The following SMCO3 variants were observed in gnomAD, a reference collection of about 807,000 sequenced individuals.
The protein encoded by SMCO3 is single-pass membrane and coiled-coil domain-containing protein 3.
SMCO3 carries 6 observed loss-of-function variants against 12.0 expected under a neutral mutation model. The observed-to-expected ratio is 0.50, with a 90% confidence interval of 0.27 to 0.99. The LOEUF is 0.99. Among genes scored for constraint, SMCO3 ranks in the 50% least tolerant of loss-of-function variants. The pLI is 0.11. For synonymous variants in SMCO3, 96 were observed against 96.4 expected (o/e 1.00, Z 0.02); for missense variants, 279 against 265.0 (o/e 1.05, Z -0.37).
rs762791212 is a variant in SMCO3 at position 14,806,095 on chromosome 12, C to T, written c.586G>A (p.Glu196Lys). 5 of 1,614,036 alleles carry T rather than the reference C, an allele frequency of 3.1e-6. No individual in the cohort carries two copies. Among genetic ancestry groups the T allele is most frequent in the Non-Finnish European group, 4.2e-6 (5 of 1,180,048 alleles). ...TQLQAAIKSY[E>K]KHLVEFKSAS... ...GATTTGAACTCCACCAGATGCTTCT[C>T]ATAACTTTTGATGGCTGCTTGAAGC... The change falls in exon 2 of 2, where the codon GAG becomes AAG. Residue 196 changes from glutamate (E) to lysine (K), a missense_variant. Transcript: ENST00000316048.
intron 1 of SMCO3, among the ~76,000 whole-genome samples, chr12:14,809,660 A>T (rs2137261035): frequency 6.6e-6 from 1 of 152,302 alleles, no homozygotes; most frequent in South Asian, 2.1e-4. Flanking sequence ...GCTAGAAGAA[A>T]ATGGATAATT....
intron 1 of SMCO3, among the ~76,000 whole-genome samples, chr12:14,808,454 CT>C (rs1452690407): frequency 6.6e-6 from 1 of 152,074 alleles, no homozygotes; most frequent in African/African-American, 2.4e-5. Flanking sequence ...CTGGCACAGC[CT>C]CTTTTTGAGT....
At chr12:14,811,997 A>T (rs767838106) in intron 1 of SMCO3, among the ~76,000 whole-genome samples, 16 of 152,232 alleles carry the variant, frequency 1.1e-4, no homozygotes, top group Non-Finnish European at 2.2e-4. Context: ...TAAATAGAGG[A>T]GGAAAAACAC....
intron 1 of SMCO3, among the ~76,000 whole-genome samples, chr12:14,811,059 A>G (rs936251661): frequency 6.6e-5 from 10 of 152,220 alleles, no homozygotes; most frequent in Non-Finnish European, 8.8e-5. Flanking sequence ...ACCAACAGCA[A>G]GTGGTATATT....
chr12:14,814,159 G>A lies in SMCO3; in HGVS notation c.-50C>T, dbSNP rs1309738083. ...GTTTCTGAGTTCCGTGGTCCTAGCA[G>A]TTGTTTAGGAGTATTGTTAAAGTGC... On this transcript the variant is annotated 5_prime_UTR_variant, in exon 1 of 2. Coordinates refer to ENST00000316048, the MANE Select transcript of SMCO3 (RefSeq NM_001013698.2). The A allele has an allele frequency of 6.6e-6, 1 of 152,168 alleles. No homozygotes were observed. Among genetic ancestry groups the A allele is most frequent in the Non-Finnish European group, 1.5e-5 (1 of 68,034 alleles). 9.4% of individuals were successfully genotyped at this position (152,168 alleles called of 1,614,324 possible). A position where few individuals can be genotyped will look rare whatever the true frequency, so the allele number is the denominator to read the frequency against.
At position 14,806,400 on chromosome 12, in the gene SMCO3, G is replaced by T; in HGVS notation, c.281C>A (p.Thr94Asn). ...AATATCCTGAAGTTTTCTATAGAGG[G>T]TTGGCTCTAGCTTATCTTTTAGTGC... Reference protein sequence around the residue: ...DEALKDKLEPTLYRKLQDIKE... With the variant: ...DEALKDKLEPNLYRKLQDIKE... Residue 94 changes from threonine (T) to asparagine (N), a missense_variant, in exon 2 of 2, where the codon ACC becomes AAC. Physicochemically the swap from Thr to Asn is moderately conservative, Grantham distance 65. Coordinates refer to ENST00000316048, the MANE Select transcript of SMCO3 (RefSeq NM_001013698.2). The T allele has an allele frequency of 1.2e-6, 2 of 1,614,138 alleles. No individual in the cohort carries two copies. The highest frequency in any genetic ancestry group is 1.3e-5 in the African/African-American group (1 of 75,002).
chr12:14,811,803 C>T (rs1950143860), intron 1 of SMCO3, among the ~76,000 whole-genome samples: 1 of 152,154 alleles, frequency 6.6e-6, no homozygotes, highest in South Asian at 2.1e-4. Flanking sequence ...AACAGTAGTG[C>T]GTTGACTGTC....
In SMCO3 at chr12:14,805,807, A is replaced by G; in HGVS notation, c.*196T>C. 3.1e-6 allele frequency: 2 copies of G among 635,278 alleles called. No individual in the cohort carries two copies. The highest frequency in any genetic ancestry group is 4.3e-4 in the Middle Eastern group (1 of 2,346). 39.4% of individuals were successfully genotyped at this position (635,278 alleles called of 1,614,324 possible). On this transcript the variant is annotated 3_prime_UTR_variant, in exon 2 of 2. Transcript: ENST00000316048. Reference sequence around the variant, plus strand: ...ATTTTTTTACCTCACAGGGTCTAGCATCAGCTGATCCAGGCATTGTTGACT... The same window carrying G: ...ATTTTTTTACCTCACAGGGTCTAGCGTCAGCTGATCCAGGCATTGTTGACT...
chr12:14,805,915 C>G lies in SMCO3; in HGVS notation c.*88G>C, dbSNP rs1950040196. On this transcript the variant is annotated 3_prime_UTR_variant, in exon 2 of 2. Coordinates refer to ENST00000316048, the MANE Select transcript of SMCO3 (RefSeq NM_001013698.2). ...ATCTTATTTAAGTCCATATTGGAAG[C>G]CTATAGAAAATGAACCTAATCAAAG... The G allele has an allele frequency of 2.3e-6, 3 of 1,285,120 alleles. No individual in the cohort carries two copies. The highest frequency in any genetic ancestry group is 1.5e-5 in the African/African-American group (1 of 66,966). 79.6% of individuals were successfully genotyped at this position (1,285,120 alleles called of 1,614,324 possible).
chr12:14,809,204 C>T (rs1950099718), intron 1 of SMCO3, among the ~76,000 whole-genome samples: 1 of 152,168 alleles, frequency 6.6e-6, no homozygotes, highest in South Asian at 2.1e-4. Context: ...GTGGTTCTGT[C>T]TACCTCAAGA....
At chr12:14,814,014 C>T (rs1950180650) in intron 1 of SMCO3, 112 bp downstream of exon 1, 1 of 152,070 alleles carries the variant, frequency 6.6e-6, no homozygotes, top group Non-Finnish European at 1.5e-5. Context: ...TGTTTTTTTA[C>T]TTTATTTTAT....
chr12:14,806,741 G>C lies in SMCO3; in HGVS notation c.-16-45C>G, dbSNP rs1185906981. On this transcript the variant is annotated intron_variant, in intron 1 of 1. Coordinates refer to ENST00000316048, the MANE Select transcript of SMCO3 (RefSeq NM_001013698.2). Reference sequence around the variant, plus strand: ...ATTTTTACTGAAAGTCTTAAAAAATGTCTGCTAACTGTGTAGAAGGGACTA... The same window carrying C: ...ATTTTTACTGAAAGTCTTAAAAAATCTCTGCTAACTGTGTAGAAGGGACTA... 7 of 1,495,570 alleles carry C rather than the reference G, an allele frequency of 4.7e-6. No individual in the cohort carries two copies. In the Admixed American group the frequency reaches 1.3e-4, roughly 28 times the overall value. The allele number at this position is 1,495,570 out of a possible 1,614,324, so 92.6% of individuals were successfully genotyped here. A position where few individuals can be genotyped will look rare whatever the true frequency, so the allele number is the denominator to read the frequency against.
At chr12:14,813,509 A>G (rs552541914) in intron 1 of SMCO3, among the ~76,000 whole-genome samples, 15 of 152,260 alleles carry the variant, frequency 9.9e-5, no homozygotes, top group Non-Finnish European at 2.1e-4. Context: ...TTCTGACCAG[A>G]AAGAAGAATA....
intron 1 of SMCO3, among the ~76,000 whole-genome samples, chr12:14,810,841 C>G (rs745466940): frequency 6.6e-6 from 1 of 152,110 alleles, no homozygotes; most frequent in Non-Finnish European, 1.5e-5. Context: ...GTTCTGACTC[C>G]CAAAGTGATT....
chr12:14,812,283 A>G (rs980805360), intron 1 of SMCO3, among the ~76,000 whole-genome samples: 1 of 151,880 alleles, frequency 6.6e-6, no homozygotes, highest in Non-Finnish European at 1.5e-5. Flanking sequence ...TCTCTACTAA[A>G]AATACAAAAA....
chr12:14,809,430 A>G (rs1950103266), intron 1 of SMCO3, among the ~76,000 whole-genome samples: 2 of 152,212 alleles, frequency 1.3e-5, no homozygotes, highest in East Asian at 1.9e-4. Context: ...ACAAAATAGT[A>G]AACAGTATGG....
At chr12:14,812,278 ACTAAAAAT>A (rs969283583) in intron 1 of SMCO3, among the ~76,000 whole-genome samples, 37 of 152,058 alleles carry the variant, frequency 2.4e-4, no homozygotes, top group Non-Finnish European at 4.6e-4. Context: ...CCCCGTCTCT[ACTAAAAAT>A]ACAAAAAATT....
rs1242048229 is a variant in SMCO3 at position 14,804,869 on chromosome 12, GT to G, written c.*1133del. 1.3e-5 allele frequency: 2 copies of G among 152,160 alleles called. No individual in the cohort carries two copies. Among genetic ancestry groups the G allele is most frequent in the African/African-American group, 4.8e-5 (2 of 41,436 alleles). The allele number at this position is 152,160 out of a possible 1,614,324, so 9.4% of individuals were successfully genotyped here. On this transcript the variant is annotated 3_prime_UTR_variant, in exon 2 of 2. Coordinates refer to ENST00000316048, the MANE Select transcript of SMCO3 (RefSeq NM_001013698.2). ...CAGTTTTTATTTCAATACATTTCTT[GT>G]ACTTGGATGGGAGAATCAACTATAA... is the stretch of plus-strand genomic sequence containing the variant.
At chr12:14,808,208 A>G (rs929533078) in intron 1 of SMCO3, among the ~76,000 whole-genome samples, 15 of 152,200 alleles carry the variant, frequency 9.9e-5, no homozygotes, top group Non-Finnish European at 2.1e-4. Context: ...AATGAATAAA[A>G]TAAACTTGAC....
Sources: allele counts gnomAD v4.1 joint callset (sites outside exome capture counted in the v4.1 genomes callset), GRCh38; gene constraint gnomAD v4.1.1; transcripts MANE v1.5; gene names NCBI Gene and HGNC (gene_info 2026-07-23, HGNC 2026-07-21).